The following FSTL5 variants were observed in gnomAD, a reference collection of about 807,000 sequenced individuals.
The protein encoded by FSTL5 is follistatin like 5.
FSTL5 carries 62 observed loss-of-function variants against 89.1 expected under a neutral mutation model. That is an observed-to-expected ratio of 0.70 (90% confidence interval 0.57 to 0.86). The LOEUF is 0.86. FSTL5 is among the 40% of genes least tolerant of loss of function. FSTL5 has a pLI of 0.00. For synonymous variants in FSTL5, 383 were observed against 346.2 expected (o/e 1.11, Z -1.18); for missense variants, 1,057 against 1,001.6 (o/e 1.06, Z -0.75).
chr4:161,663,250 T>A (rs1202173616), intron 6 of FSTL5, among the ~76,000 whole-genome samples: 4 of 152,124 alleles, frequency 2.6e-5, no homozygotes, highest in Admixed American at 2.6e-4. Context: ...CCCCAAAGTC[T>A]TATTTCAGTA....
intron 15 of FSTL5, among the ~76,000 whole-genome samples, chr4:161,397,380 A>G (rs922959734): frequency 2.6e-5 from 4 of 151,928 alleles, no homozygotes; most frequent in Non-Finnish European, 5.9e-5. Context: ...AGAAGCAAAC[A>G]TATCATATGT....
chr4:161,879,319 G>A (rs1255341015), intron 4 of FSTL5, among the ~76,000 whole-genome samples: 1 of 152,040 alleles, frequency 6.6e-6, no homozygotes. Flanking sequence ...CCCTGTAATA[G>A]CTTCCTACCT....
chr4:162,129,966 T>C (rs917740934), intron 1 of FSTL5, among the ~76,000 whole-genome samples: 6 of 152,188 alleles, frequency 3.9e-5, no homozygotes, highest in African/African-American at 1.4e-4. Flanking sequence ...AAATATATCC[T>C]AGGAAGACAA....
intron 6 of FSTL5, among the ~76,000 whole-genome samples, chr4:161,662,090 A>G (rs912781871): frequency 6.6e-5 from 10 of 152,178 alleles, no homozygotes; most frequent in African/African-American, 2.2e-4. Flanking sequence ...CATAAGGGAT[A>G]GGGAAAATAA....
At chr4:161,720,149 T>G (rs1158661911) in intron 6 of FSTL5, among the ~76,000 whole-genome samples, 1 of 147,752 alleles carries the variant, frequency 6.8e-6, no homozygotes, top group African/African-American at 2.5e-5. Context: ...TGCAAACCCA[T>G]AGTTGATAAA....
At chr4:161,614,833 T>TA (rs1443298768) in intron 7 of FSTL5, among the ~76,000 whole-genome samples, 2 of 152,134 alleles carry the variant, frequency 1.3e-5, no homozygotes, top group African/African-American at 4.8e-5. Context: ...TATTCACAAT[T>TA]AAAAAATAAT....
At chr4:161,819,309 T>A (rs1730422858) in intron 4 of FSTL5, among the ~76,000 whole-genome samples, 2 of 152,162 alleles carry the variant, frequency 1.3e-5, no homozygotes, top group Non-Finnish European at 1.5e-5. Flanking sequence ...AGCAATAGTT[T>A]TTTTTGTAAA....
At chr4:162,079,676 C>T (rs1437822680) in intron 2 of FSTL5, among the ~76,000 whole-genome samples, 1 of 150,968 alleles carries the variant, frequency 6.6e-6, no homozygotes, top group African/African-American at 2.4e-5. Flanking sequence ...CTTTAGTTTG[C>T]AAAGTGAAAA....
At chr4:161,427,635 G>T (rs888198746) in intron 15 of FSTL5, among the ~76,000 whole-genome samples, 1 of 152,164 alleles carries the variant, frequency 6.6e-6, no homozygotes, top group Admixed American at 6.5e-5. Flanking sequence ...TCTCAAAAAG[G>T]TGTGTCCCTA....
At chr4:161,809,376 C>T (rs538169849) in intron 4 of FSTL5, among the ~76,000 whole-genome samples, 32 of 152,252 alleles carry the variant, frequency 2.1e-4, no homozygotes, top group African/African-American at 6.5e-4. Flanking sequence ...TCATTGTACA[C>T]GCCTATTAGA....
At chr4:161,452,064 A>T (rs941244748) in intron 15 of FSTL5, among the ~76,000 whole-genome samples, 3 of 152,244 alleles carry the variant, frequency 2.0e-5, no homozygotes, top group African/African-American at 7.2e-5. Context: ...TCTGCCTGGC[A>T]TGGAAAACTT....
chr4:161,621,812 T>C (rs1735136206), intron 7 of FSTL5, among the ~76,000 whole-genome samples: 1 of 137,662 alleles, frequency 7.3e-6, no homozygotes, highest in Non-Finnish European at 1.5e-5. Flanking sequence ...TGAGACCCTG[T>C]CTCTTCTAAA....
chr4:162,020,744 A>G (rs1053448731), intron 3 of FSTL5, among the ~76,000 whole-genome samples: 2 of 152,224 alleles, frequency 1.3e-5, no homozygotes, highest in Admixed American at 6.5e-5. Flanking sequence ...TAAAAGAAAA[A>G]AAACAGAAAA....
intron 4 of FSTL5, among the ~76,000 whole-genome samples, chr4:161,854,476 C>A (rs1009475222): frequency 1.1e-4 from 17 of 152,122 alleles, no homozygotes; most frequent in Non-Finnish European, 2.9e-5. Context: ...TTCATTGGAA[C>A]AATTACATAT....
chr4:161,807,151 T>C (rs1729994272), intron 4 of FSTL5, among the ~76,000 whole-genome samples: 1 of 151,224 alleles, frequency 6.6e-6, no homozygotes, highest in East Asian at 1.9e-4. Flanking sequence ...ATTTGAATGA[T>C]AAATCAAGGC....
intron 13 of FSTL5, among the ~76,000 whole-genome samples, chr4:161,467,024 C>T (rs1733770219): frequency 6.6e-6 from 1 of 152,002 alleles, no homozygotes; most frequent in Non-Finnish European, 1.5e-5. Context: ...TCAGAAATAT[C>T]AGTTCATGGA....
At chr4:161,969,674 T>G (rs1280816495) in intron 3 of FSTL5, among the ~76,000 whole-genome samples, 1 of 152,132 alleles carries the variant, frequency 6.6e-6, no homozygotes, top group Non-Finnish European at 1.5e-5. Context: ...TCCACACGTA[T>G]TTCCTGTGCA....
intron 15 of FSTL5, among the ~76,000 whole-genome samples, chr4:161,451,926 G>A (rs577016690): frequency 6.6e-6 from 1 of 152,298 alleles, no homozygotes; most frequent in Non-Finnish European, 1.5e-5. Flanking sequence ...CACGTGTCAA[G>A]AAGCTTTTCA....
At chr4:161,840,773 G>A (rs1242834008) in intron 4 of FSTL5, among the ~76,000 whole-genome samples, 1 of 152,104 alleles carries the variant, frequency 6.6e-6, no homozygotes, top group Non-Finnish European at 1.5e-5. Flanking sequence ...CCCCAAGTTG[G>A]GGCCTTTTCC....
Sources: gnomAD v4.1 joint callset for allele counts (sites outside exome capture counted in the v4.1 genomes callset) on GRCh38, gnomAD v4.1.1 for gene constraint, MANE v1.5 for transcripts, NCBI Gene and HGNC (gene_info 2026-07-23, HGNC 2026-07-21) for gene names.